EYS: variants seen among roughly 807,000 people sequenced by gnomAD.
The protein encoded by EYS is EGF-like photoreceptor maintenance factor, also known as protein eyes shut homolog.
Under a neutral mutation model 282.1 loss-of-function variants are expected in EYS, and 250 were observed. The ratio of observed to expected loss-of-function variants is 0.89; its 90% CI spans 0.80 to 0.98. The LOEUF (loss-of-function observed/expected upper bound fraction) is 0.98. EYS is among the 50% of genes least tolerant of loss of function. The pLI is 0.00. For missense variants in EYS, 4,016 were observed against 3,709.0 expected (o/e 1.08, Z -2.15); for synonymous variants, 1,355 against 1,282.9 (o/e 1.06, Z -1.20).
chr6:63,916,532 T>G (rs1764426272), intron 35 of EYS, among the ~76,000 whole-genome samples: 4 of 152,226 alleles, frequency 2.6e-5, no homozygotes, highest in Admixed American at 1.3e-4. Flanking sequence ...AAAATGTCTA[T>G]TCGAATTTTT....
chr6:63,792,015 G>T (rs1448366181), intron 37 of EYS, among the ~76,000 whole-genome samples: 1 of 152,054 alleles, frequency 6.6e-6, no homozygotes, highest in Non-Finnish European at 1.5e-5. Flanking sequence ...CTGAGGAAGA[G>T]TTGAGGAAGA....
intron 12 of EYS, among the ~76,000 whole-genome samples, chr6:65,179,220 A>G (rs1765307883): frequency 6.6e-6 from 1 of 151,212 alleles, no homozygotes; most frequent in African/African-American, 2.4e-5. Context: ...TCATAGCAGA[A>G]CTGAAGGAAA....
At chr6:64,984,617 G>T (rs1275306358) in intron 14 of EYS, among the ~76,000 whole-genome samples, 5 of 151,244 alleles carry the variant, frequency 3.3e-5, no homozygotes, top group Non-Finnish European at 1.5e-5. Flanking sequence ...AAATAAGAAA[G>T]AATTAGCTAG....
rs1767100288 is a variant in EYS, at chr6:64,886,747, C to A, written c.2942G>T (p.Cys981Phe). The A allele has an allele frequency of 5.8e-6, 9 of 1,547,452 alleles. No individual in the cohort carries two copies. The highest frequency in any genetic ancestry group is 7.9e-6 in the Non-Finnish European group (9 of 1,144,720). Residue 981 changes from cysteine to phenylalanine, a missense_variant, in exon 19 of 43, where the codon TGT (cysteine) becomes TTT (phenylalanine). Physicochemically the swap from Cys to Phe is radical, Grantham distance 205. Transcript: ENST00000503581. ...GTTGTATCCATCAGTCCTGTAGACA[C>A]AATTTTCTTCATCTAGACAAGGTGA... ...KISPCLDEENCVYRTDGYNCL... is the reference protein window; with the variant it reads ...KISPCLDEENFVYRTDGYNCL...
rs1282031502 is a variant in EYS at position 65,247,413 on chromosome 6, G to A, written c.2023+48450C>T. On this transcript the variant is annotated intron_variant, in intron 12 of 42. Coordinates refer to ENST00000503581, the MANE Select transcript of EYS (RefSeq NM_001142800.2). ...CCTATACCTAATCTTTTACCCTGCT[G>A]TATTTTCTCAGTAACATCTTTTTAT... 4.6e-5 allele frequency among the ~76,000 whole-genome samples: 7 copies of A among 151,960 alleles called. No homozygotes were observed. In the East Asian group the frequency reaches 1.3e-3, roughly 29 times the overall value.
chr6:64,011,547 T>C (rs971595014), intron 33 of EYS, among the ~76,000 whole-genome samples: 2 of 152,220 alleles, frequency 1.3e-5, no homozygotes, highest in African/African-American at 2.4e-5. Context: ...TCATATTTTT[T>C]TTTCCAGTGG....
At position 64,626,110 on chromosome 6, in the gene EYS, A is replaced by T. The variant is rs944632874; in HGVS notation, c.3568+11T>A. ...TATATGCAGTATGCTTATTATTTTT[A>T]AAATAATTACCTGGTTGGCATTTGC... On this transcript the variant is annotated intron_variant, in intron 23 of 42. Coordinates refer to ENST00000503581, the MANE Select transcript of EYS (RefSeq NM_001142800.2). 2 of 1,493,980 alleles carry T rather than the reference A, an allele frequency of 1.3e-6. No homozygotes were observed. Among genetic ancestry groups the T allele is most frequent in the Non-Finnish European group, 1.8e-6 (2 of 1,101,718 alleles). The allele number at this position is 1,493,980 out of a possible 1,614,324, so 92.5% of individuals were successfully genotyped here.
At chr6:64,331,779 G>T (rs1053772804) in intron 29 of EYS, among the ~76,000 whole-genome samples, 3 of 152,194 alleles carry the variant, frequency 2.0e-5, no homozygotes, top group African/African-American at 7.2e-5. Context: ...GGCCCCCAGG[G>T]ATTCAAGAAA....
intron 19 of EYS, among the ~76,000 whole-genome samples, chr6:64,873,364 G>C (rs937094006): frequency 5.9e-5 from 9 of 152,184 alleles, no homozygotes; most frequent in Middle Eastern, 3.4e-3. Context: ...TTCAAGAAGA[G>C]ATTTGGGAGG....
intron 31 of EYS, among the ~76,000 whole-genome samples, chr6:64,221,506 TTC>T (rs1476337589): frequency 2.0e-5 from 3 of 152,130 alleles, no homozygotes; most frequent in Non-Finnish European, 2.9e-5. Context: ...ACCATTAAAT[TTC>T]TGTTTATTAT....
chr6:64,208,155 A>T (rs2150325975), intron 31 of EYS, among the ~76,000 whole-genome samples: 1 of 152,322 alleles, frequency 6.6e-6, no homozygotes, highest in South Asian at 2.1e-4. Flanking sequence ...CTGCAGCATT[A>T]TCGTTCATGT....
chr6:64,887,197 G>T (rs1051563937), intron 18 of EYS, among the ~76,000 whole-genome samples: 1 of 146,942 alleles, frequency 6.8e-6, no homozygotes, highest in African/African-American at 2.5e-5. Context: ...ACCAAACACC[G>T]CATGTTCTCA....
At chr6:63,976,224 A>G (rs1270825377) in intron 35 of EYS, among the ~76,000 whole-genome samples, 12 of 152,064 alleles carry the variant, frequency 7.9e-5, no homozygotes, top group Non-Finnish European at 1.5e-5. Context: ...ACTACCGTAT[A>G]TTACCGTAGA....
At chr6:65,666,162 T>G (rs1768193272) in intron 1 of EYS, among the ~76,000 whole-genome samples, 1 of 151,822 alleles carries the variant, frequency 6.6e-6, no homozygotes, top group Admixed American at 6.6e-5. Flanking sequence ...TAGCTAAGAT[T>G]CCATCATACT....
At chr6:63,960,131 C>T (rs1765995464) in intron 35 of EYS, among the ~76,000 whole-genome samples, 1 of 151,870 alleles carries the variant, frequency 6.6e-6, no homozygotes. Context: ...AAAGATTCAC[C>T]ATTCTAGATG....
chr6:63,895,368 G>A (rs2149727596), intron 35 of EYS, among the ~76,000 whole-genome samples: 1 of 152,128 alleles, frequency 6.6e-6, no homozygotes, highest in South Asian at 2.1e-4. Context: ...TTGGATTTCA[G>A]GAGACATAAA....
At position 65,506,398 on chromosome 6, in the gene EYS, A is replaced by G. The variant is rs1321213101; in HGVS notation, c.-332-10405T>C. On this transcript the variant is annotated intron_variant, in intron 2 of 42. Transcript: ENST00000503581. ...TTTTATCTTCTCTTTTAGAGCACCA[A>G]TTACACTTCTTTTAATGATTGTATT... Among the ~76,000 whole-genome samples, 6 of 146,600 alleles carry G rather than the reference A, an allele frequency of 4.1e-5. No homozygotes were observed. The East Asian group carries it at 1.2e-3, about 29-fold the overall frequency.
At chr6:64,592,726 T>G (rs1766451335) in intron 25 of EYS, among the ~76,000 whole-genome samples, 1 of 152,130 alleles carries the variant, frequency 6.6e-6, no homozygotes, top group African/African-American at 2.4e-5. Context: ...ACATATCTTT[T>G]ATCTGAGTGT....
intron 31 of EYS, among the ~76,000 whole-genome samples, chr6:64,109,461 T>G (rs1021743382): frequency 1.3e-5 from 2 of 152,104 alleles, no homozygotes; most frequent in Non-Finnish European, 1.5e-5. Flanking sequence ...AATTTTTAGT[T>G]TGCTATATCT....
Sources: gnomAD v4.1 joint callset for allele counts (sites outside exome capture counted in the v4.1 genomes callset) on GRCh38, gnomAD v4.1.1 for gene constraint, MANE v1.5 for transcripts, NCBI Gene and HGNC (gene_info 2026-07-23, HGNC 2026-07-21) for gene names.